LOXL2: variants seen among roughly 807,000 people sequenced by gnomAD.
LOXL2 encodes the protein lysyl oxidase like 2.
Under a neutral mutation model 93.0 loss-of-function variants are expected in LOXL2, and 70 were observed. That is an observed-to-expected ratio of 0.75 (90% CI 0.62 to 0.92). The LOEUF (loss-of-function observed/expected upper bound fraction) is 0.92, where lower values mean the gene tolerates loss of function less well. Ranked by LOEUF, LOXL2 falls within the 40% of genes least tolerant of loss-of-function variation. The pLI is 0.00. For missense variants in LOXL2, 973 were observed against 1,054.9 expected, an observed-to-expected ratio of 0.92 and a Z score of 1.08; for synonymous variants, 438 against 413.2, an observed-to-expected ratio of 1.06 and a Z score of -0.73.
chr8:23,369,006 G>A (rs1454443242), intron 1 of LOXL2, among the ~76,000 whole-genome samples: 6 of 152,068 alleles, frequency 3.9e-5, no homozygotes, highest in African/African-American at 1.2e-4. Flanking sequence ...CCTTCAACTC[G>A]AAGCCACTGG....
chr8:23,305,121 A>C (rs577139088), intron 10 of LOXL2, among the ~76,000 whole-genome samples: 2 of 152,322 alleles, frequency 1.3e-5, no homozygotes, highest in South Asian at 4.1e-4. Context: ...AGGAGCAAGA[A>C]GAGACATGAG....
chr8:23,352,779 A>G (rs1348309485), intron 3 of LOXL2, among the ~76,000 whole-genome samples: 1 of 151,856 alleles, frequency 6.6e-6, no homozygotes. Flanking sequence ...CTTGGGTGGA[A>G]AGAAATGGCT....
Position 23,390,376 on chromosome 8 carries a change from G to A in LOXL2, c.-84+13578C>T, listed in dbSNP as rs144444714. ...AGACTTTAACACCAGGCTTGGTCCG[G>A]GCTGTCTGATCCACTTGGCCCCTGG... On this transcript the variant is annotated intron_variant, in intron 1 of 13. Coordinates refer to ENST00000389131, the MANE Select transcript of LOXL2 (RefSeq NM_002318.3). Among the ~76,000 whole-genome samples, 387 of 152,340 alleles carry A rather than the reference G, an allele frequency of 2.5e-3. 1 individual carries two copies. The highest frequency in any genetic ancestry group is 9.0e-3 in the African/African-American group (375 of 41,570).
rs1156497993 is a variant in LOXL2 at position 23,392,876 on chromosome 8, C to T, written c.-84+11078G>A. The stretch of plus-strand genomic sequence containing the variant: ...ATGAGTTCAGCAAGGTTACAGGATA[C>T]AATATCAACATACAAAAATTAACTG... On this transcript the variant is annotated intron_variant, in intron 1 of 13. Transcript: ENST00000389131. Among the ~76,000 whole-genome samples, 2 of 152,192 alleles carry T rather than the reference C, an allele frequency of 1.3e-5. 1 individual carries two copies. The highest frequency in any genetic ancestry group is 1.3e-4 in the Admixed American group (2 of 15,288).
At position 23,297,874 on chromosome 8, in the gene LOXL2, T is replaced by G; in HGVS notation, c.*169A>C. 1 of 584,482 alleles carries G rather than the reference T, an allele frequency of 1.7e-6. No homozygotes were observed. Among genetic ancestry groups the G allele is most frequent in the East Asian group, 2.9e-5 (1 of 34,436 alleles). The allele number at this position is 584,482 out of a possible 1,614,324, so 36.2% of individuals were successfully genotyped here. A position where few individuals can be genotyped will look rare whatever the true frequency, so the allele number is the denominator to read the frequency against. ...TCAGGTAGCAGCCCCCCATGAATGATGGGAGGGTCCCTTTCCTCCTGAGCT... is the reference window on the plus strand; with the variant it reads ...TCAGGTAGCAGCCCCCCATGAATGAGGGGAGGGTCCCTTTCCTCCTGAGCT... On this transcript the variant is annotated 3_prime_UTR_variant, in exon 14 of 14. Transcript: ENST00000389131.
At chr8:23,341,993 A>G (rs1038473706) in intron 3 of LOXL2, among the ~76,000 whole-genome samples, 1 of 152,052 alleles carries the variant, frequency 6.6e-6, no homozygotes, top group Non-Finnish European at 1.5e-5. Context: ...CCACCCATCT[A>G]TCTGTGGAGT....
chr8:23,328,275 G>A, intron 6 of LOXL2, 107 bp downstream of exon 6: 1 of 1,203,896 alleles, frequency 8.3e-7, no homozygotes, highest in Admixed American at 1.8e-5. Flanking sequence ...ACTAAAGGGA[G>A]GAGGGAAAGT....
chr8:23,316,782 TG>T (rs1281687148), intron 9 of LOXL2, 166 bp downstream of exon 9: 9 of 633,868 alleles, frequency 1.4e-5, no homozygotes, highest in African/African-American at 9.2e-5. Flanking sequence ...GATCTGTGGT[TG>T]GGGTGGCGGT....
chr8:23,369,107 G>T (rs1178006939), intron 1 of LOXL2, among the ~76,000 whole-genome samples: 3 of 152,168 alleles, frequency 2.0e-5, no homozygotes, highest in African/African-American at 7.2e-5. Flanking sequence ...GAAGGGGTGA[G>T]GGCAGGATGT....
rs1270641102 is a variant in LOXL2, at chr8:23,333,511, T to C, written c.856A>G (p.Met286Val). The C allele has an allele frequency of 6.2e-7, 1 of 1,614,014 alleles. No homozygotes were observed. The highest frequency in any genetic ancestry group is 1.1e-5 in the South Asian group (1 of 91,084). ...KLGPQVSLDP[M>V]KNVTCENGLP... ...CCATTCTCGCAGGTGACATTCTTCA[T>C]GGGGTCCAGTGACACCTGGGGGCCC... Residue 286 changes from methionine to valine, a missense_variant, in exon 5 of 14, where the codon ATG (methionine) becomes GTG (valine). Coordinates refer to ENST00000389131, the MANE Select transcript of LOXL2 (RefSeq NM_002318.3).
In LOXL2 at chr8:23,300,541, G is replaced by A. The variant is rs111250141; in HGVS notation, c.2133+1486C>T. Among the ~76,000 whole-genome samples the A allele has an allele frequency of 6.6e-4, 100 of 152,300 alleles. 1 individual carries two copies. Among genetic ancestry groups the A allele is most frequent in the African/African-American group, 2.3e-3 (94 of 41,550 alleles). ...CTTGTGTCCCGTGAGTCCCCAGGCC[G>A]GTGCTTGTGGCACCTAAAGAAGCTC... On this transcript the variant is annotated intron_variant, in intron 12 of 13. Coordinates refer to ENST00000389131, the MANE Select transcript of LOXL2 (RefSeq NM_002318.3).
chr8:23,315,422 C>G (rs1475119950), intron 9 of LOXL2, among the ~76,000 whole-genome samples: 1 of 152,158 alleles, frequency 6.6e-6, no homozygotes, highest in East Asian at 1.9e-4. Flanking sequence ...AGCCTACTGC[C>G]CCGCTGCAGA....
intron 10 of LOXL2, among the ~76,000 whole-genome samples, chr8:23,308,299 GA>G (rs779939046): frequency 1.3e-5 from 2 of 152,226 alleles, no homozygotes; most frequent in African/African-American, 2.4e-5. Flanking sequence ...GCCAAATGCA[GA>G]TGCTGATGTG....
chr8:23,303,249 G>A, intron 11 of LOXL2, 33 bp downstream of exon 11: 1 of 1,361,984 alleles, frequency 7.3e-7, no homozygotes, highest in Non-Finnish European at 1.1e-6. Flanking sequence ...GAGTCCCTCT[G>A]AGGCCTCCCA....
chr8:23,326,398 T>C (rs1294758051), intron 6 of LOXL2, among the ~76,000 whole-genome samples: 2 of 152,182 alleles, frequency 1.3e-5, no homozygotes, highest in African/African-American at 2.4e-5. Flanking sequence ...CTTTGTCCTG[T>C]AGGCCCTTGG....
At chr8:23,322,887 C>T (rs1803518168) in intron 6 of LOXL2, among the ~76,000 whole-genome samples, 1 of 152,168 alleles carries the variant, frequency 6.6e-6, no homozygotes, top group African/African-American at 2.4e-5. Context: ...GCCCCTGCCC[C>T]GAAGAGCTCC....
At chr8:23,347,350 C>CT (rs1305963340) in intron 3 of LOXL2, among the ~76,000 whole-genome samples, 1 of 151,490 alleles carries the variant, frequency 6.6e-6, no homozygotes, top group Non-Finnish European at 1.5e-5. Context: ...GAGCAAGACT[C>CT]TATCTCAAAA....
At chr8:23,400,234 T>A (rs2117243947) in intron 1 of LOXL2, among the ~76,000 whole-genome samples, 1 of 152,340 alleles carries the variant, frequency 6.6e-6, no homozygotes, top group South Asian at 2.1e-4. Flanking sequence ...AATAAAGACA[T>A]ACCCGAGACT....
chr8:23,363,344 T>C (rs745572995), intron 2 of LOXL2: 13 of 152,264 alleles, frequency 8.5e-5, no homozygotes, highest in Middle Eastern at 3.4e-3. Flanking sequence ...CTTGGATCCA[T>C]TGTGGAGAAC....
Sources: allele counts gnomAD v4.1 joint callset (sites outside exome capture counted in the v4.1 genomes callset), GRCh38; gene constraint gnomAD v4.1.1; transcripts MANE v1.5; gene names NCBI Gene and HGNC (gene_info 2026-07-23, HGNC 2026-07-21).